Variants in ADA observed in about 807,000 individuals in gnomAD.
ADA encodes the protein adenosine aminohydrolase.
A neutral mutation model predicts 49.0 loss-of-function variants in ADA; 45 were observed. That is an observed-to-expected ratio of 0.92 (90% CI 0.72 to 1.18). The LOEUF (loss-of-function observed/expected upper bound fraction) is 1.18. Among genes scored for constraint, ADA ranks in the 50% most tolerant of loss-of-function variants. The pLI, the probability that ADA is intolerant of heterozygous loss-of-function variation, is 0.00. For synonymous variants in ADA, 173 were observed against 184.2 expected (o/e 0.94, Z 0.49); for missense variants, 445 against 472.5 (o/e 0.94, Z 0.54).
At chr20:44,620,663 G>C in intron 10 of ADA, 1 of 581,546 alleles carries the variant, frequency 1.7e-6, no homozygotes, top group Non-Finnish European at 3.1e-6. Flanking sequence ...GGGGGCCAGA[G>C]ACACCTCGCA....
chr20:44,620,252 T>C (rs369968241), intron 11 of ADA, 47 bp downstream of exon 11: 72 of 1,530,062 alleles, frequency 4.7e-5, no homozygotes, highest in Non-Finnish European at 6.3e-5. Flanking sequence ...AAAGCCACAC[T>C]GGGGCCAGGA....
In ADA at chr20:44,626,463, G is replaced by T. The variant is rs773612521; in HGVS notation, c.355C>A (p.Gln119Lys). The T allele has an allele frequency of 1.9e-6, 3 of 1,613,818 alleles. No individual in the cohort carries two copies. The highest frequency in any genetic ancestry group is 2.5e-6 in the Non-Finnish European group (3 of 1,180,042). The part of the protein sequence containing the change: ...NSKVEPIPWN[Q>K]AEGDLTPDEV... Reference sequence around the variant, plus strand: ...TCCAGGCCCATCACTCACTCAGCCTGGTTCCAGGGGATTGGCTCCACTTTG... The same window carrying T: ...TCCAGGCCCATCACTCACTCAGCCTTGTTCCAGGGGATTGGCTCCACTTTG... Residue 119 changes from glutamine to lysine, a missense_variant, in exon 4 of 12, where the codon CAG becomes AAG. Physicochemically the swap from Gln to Lys is moderately conservative, Grantham distance 53. Coordinates refer to ENST00000372874, the MANE Select transcript of ADA (RefSeq NM_000022.4).
intron 2 of ADA, among the ~76,000 whole-genome samples, chr20:44,635,589 T>C (rs796327163): frequency 1.1e-4 from 16 of 152,130 alleles, no homozygotes; most frequent in South Asian, 2.1e-4. Context: ...CTGCTATATA[T>C]AGGCTCTCAG....
intron 9 of ADA, 65 bp from the exon 10 acceptor site, chr20:44,621,212 T>C (rs1209618670): frequency 8.1e-6 from 13 of 1,606,322 alleles, no homozygotes; most frequent in East Asian, 4.5e-5. Flanking sequence ...TCAGAACACA[T>C]TGACGTTCAC....
At chr20:44,650,015 G>T (rs746186650) in intron 1 of ADA, among the ~76,000 whole-genome samples, 1 of 152,144 alleles carries the variant, frequency 6.6e-6, no homozygotes. Context: ...GATTATAGGC[G>T]TGAGCCACTG....
rs1568843476 is a variant in ADA, at chr20:44,622,810, C to CA, written c.780+18dup. 1 of 1,614,212 alleles carries CA rather than the reference C, an allele frequency of 6.2e-7. No homozygotes were observed. The highest frequency in any genetic ancestry group is 8.5e-7 in the Non-Finnish European group (1 of 1,180,024). Reference sequence around the variant, plus strand: ...GGGACAGCCGGGGATGGTTCCTCCCCACTCCCTGGCCCGCTTACCTCGAAG... The same window carrying CA: ...GGGACAGCCGGGGATGGTTCCTCCCCAACTCCCTGGCCCGCTTACCTCGAAG... On this transcript the variant is annotated intron_variant, in intron 8 of 11. Coordinates refer to ENST00000372874, the MANE Select transcript of ADA (RefSeq NM_000022.4).
At position 44,628,910 on chromosome 20, in the gene ADA, C is replaced by G. The variant is rs536967712; in HGVS notation, c.218+137G>C. ...GGCCTAAAGGCACTGGAGAGACTCACTAAGTGTACACAATGGTGAGAAAGA... is the reference window on the plus strand; with the variant it reads ...GGCCTAAAGGCACTGGAGAGACTCAGTAAGTGTACACAATGGTGAGAAAGA... On this transcript the variant is annotated intron_variant, in intron 3 of 11. Transcript: ENST00000372874. The G allele has an allele frequency of 3.8e-5, 53 of 1,377,342 alleles. No homozygotes were observed. In the East Asian group the frequency reaches 1.1e-3, roughly 29 times the overall value. The allele number at this position is 1,377,342 out of a possible 1,614,324, so 85.3% of individuals were successfully genotyped here.
At chr20:44,651,241 T>C (rs1296065131) in intron 1 of ADA, among the ~76,000 whole-genome samples, 2 of 152,164 alleles carry the variant, frequency 1.3e-5, no homozygotes, top group African/African-American at 4.8e-5. Context: ...GGCCTGATCA[T>C]ACAGCTGAGC....
rs748299724 is a variant in ADA at position 44,619,848 on chromosome 20, C to T, written c.1079-1G>A. Reference sequence around the variant, plus strand: ...GAGTGGCGTCTTCAGAGGTTCTGCCCTGCTCGTTGGTTCAGAGAAGCAAAA... The same window carrying T: ...GAGTGGCGTCTTCAGAGGTTCTGCCTTGCTCGTTGGTTCAGAGAAGCAAAA... On this transcript the variant is annotated splice_acceptor_variant, in intron 11 of 11. Coordinates refer to ENST00000372874, the MANE Select transcript of ADA (RefSeq NM_000022.4). LOFTEE classifies it high-confidence loss of function. 2 of 1,614,154 alleles carry T rather than the reference C, an allele frequency of 1.2e-6. No individual in the cohort carries two copies. The highest frequency in any genetic ancestry group is 4.5e-5 in the East Asian group (2 of 44,866).
At chr20:44,623,837 TC>T (rs927135599) in intron 6 of ADA, 5 of 373,000 alleles carry the variant, frequency 1.3e-5, no homozygotes, top group African/African-American at 1.1e-4. Flanking sequence ...AGCTTTGACT[TC>T]CTGGACTCAA....
At chr20:44,650,413 T>C (rs759706916) in intron 1 of ADA, among the ~76,000 whole-genome samples, 2 of 149,820 alleles carry the variant, frequency 1.3e-5, no homozygotes, top group Non-Finnish European at 3.0e-5. Context: ...TTCACACCTA[T>C]TTCTTTTCTT....
intron 2 of ADA, among the ~76,000 whole-genome samples, chr20:44,634,478 G>A (rs1340242213): frequency 3.9e-5 from 6 of 152,172 alleles, no homozygotes; most frequent in Admixed American, 3.3e-4. Context: ...TCAAACCTCC[G>A]CCCTGTGCTT....
chr20:44,620,250 A>G (rs1280468222), intron 11 of ADA, 49 bp downstream of exon 11: 2 of 1,519,484 alleles, frequency 1.3e-6, no homozygotes, highest in Non-Finnish European at 1.8e-6. Context: ...AGAAAGCCAC[A>G]CTGGGGCCAG....
At chr20:44,626,299 CAG>C (rs1490059184) in intron 4 of ADA, 155 bp downstream of exon 4, 1 of 1,004,870 alleles carries the variant, frequency 1.0e-6, no homozygotes. Context: ...TCTCTTGTGA[CAG>C]AGTTAAACCC....
intron 1 of ADA, among the ~76,000 whole-genome samples, chr20:44,638,755 C>T (rs1373277883): frequency 1.3e-5 from 2 of 152,078 alleles, no homozygotes; most frequent in African/African-American, 2.4e-5. Context: ...CAAACCAAGA[C>T]GACTCCTTGG....
rs1469964785 is a variant in ADA at position 44,623,073 on chromosome 20, A to G, written c.612T>C (p.Ala204=). 1 of 1,614,004 alleles carries G rather than the reference A, an allele frequency of 6.2e-7. No individual in the cohort carries two copies. Among genetic ancestry groups the G allele is most frequent in the Non-Finnish European group, 8.5e-7 (1 of 1,179,944 alleles). ...LPGHVQAYQE[A]VKSGIHRTVH... ...CAGTACGGTGAATGCCGCTCTTCAC[A>G]GCCTCCTGGAAGGGGGAGAGCCAGG... The change falls in exon 7 of 12, where the codon GCT becomes GCC. Residue 204 remains alanine, a synonymous_variant. Transcript: ENST00000372874.
rs1227682966 is a variant in ADA, at chr20:44,638,443, GGC to G, written c.34-2157_34-2156del. Among the ~76,000 whole-genome samples the G allele has an allele frequency of 1.9e-4, 29 of 152,242 alleles. No individual in the cohort carries two copies. In the East Asian group the frequency reaches 5.4e-3, roughly 29 times the overall value. ...ATGCAAAAAATTAGCCAGGCGTGGTGGCGCACACCTGTAATCCCAGCTACTTG... is the reference window on the plus strand; with the variant it reads ...ATGCAAAAAATTAGCCAGGCGTGGTGGCACACCTGTAATCCCAGCTACTTG... On this transcript the variant is annotated intron_variant, in intron 1 of 11. Coordinates refer to ENST00000372874, the MANE Select transcript of ADA (RefSeq NM_000022.4).
In ADA at chr20:44,622,658, A is replaced by G; in HGVS notation, c.781-6T>C. The G allele has an allele frequency of 6.2e-7, 1 of 1,614,210 alleles. No individual in the cohort carries two copies. The stretch of plus-strand genomic sequence containing the variant: ...TAGCTGGACCAGGGGCAGATCTGGA[A>G]GAGCAGGTGTGTGGCTGGCAGGGAT... On this transcript the variant is annotated splice_region_variant and splice_polypyrimidine_tract_variant and intron_variant, in intron 8 of 11. Transcript: ENST00000372874.
intron 1 of ADA, among the ~76,000 whole-genome samples, chr20:44,638,154 G>C (rs1189504492): frequency 2.0e-5 from 3 of 152,210 alleles, no homozygotes; most frequent in South Asian, 2.1e-4. Flanking sequence ...TTCACTTCCT[G>C]TGCCTCGGCA....
Sources: allele counts gnomAD v4.1 joint callset (sites outside exome capture counted in the v4.1 genomes callset), GRCh38; gene constraint gnomAD v4.1.1; transcripts MANE v1.5; gene names NCBI Gene and HGNC (gene_info 2026-07-23, HGNC 2026-07-21).